The following UGT1A9 variants were observed in gnomAD, a reference collection of about 807,000 sequenced individuals.
UGT1A9 encodes the protein UDP-glucuronosyltransferase 1A9.
In UGT1A9, 35 loss-of-function variants were observed where a neutral mutation model predicts 45.0. That is an observed-to-expected ratio of 0.78 (90% CI 0.59 to 1.03). The LOEUF is 1.03. UGT1A9 is among the 50% of genes least tolerant of loss of function. The pLI is 0.00. For synonymous variants in UGT1A9, 278 were observed against 250.6 expected (o/e 1.11, Z -1.03); for missense variants, 687 against 666.6 (o/e 1.03, Z -0.34).
chr2:233,679,607 C>A (rs2074457324), intron 1 of UGT1A9, among the ~76,000 whole-genome samples: 1 of 152,044 alleles, frequency 6.6e-6, no homozygotes, highest in African/African-American at 2.4e-5. Flanking sequence ...TGTATTAAAA[C>A]CCTGTTCAGG....
At position 233,769,494 on chromosome 2, in the gene UGT1A9, A is replaced by C. The variant is rs761998450; in HGVS notation, c.1295+1055A>C. On this transcript the variant is annotated intron_variant, in intron 4 of 4. Coordinates refer to ENST00000354728, the MANE Select transcript of UGT1A9 (RefSeq NM_021027.3). The surrounding 1 kb of genome is among the most constrained non-coding windows in gnomAD (Gnocchi z 4.4). Reference sequence around the variant, plus strand: ...GTGTGTGTGTGCGTGTGTTTATGAGAGTGTCCATTGCTTTCTCCCATGGTT... The same window carrying C: ...GTGTGTGTGTGCGTGTGTTTATGAGCGTGTCCATTGCTTTCTCCCATGGTT... 1.9e-6 allele frequency: 3 copies of C among 1,612,660 alleles called. No individual in the cohort carries two copies. Among genetic ancestry groups the C allele is most frequent in the South Asian group, 2.2e-5 (2 of 91,046 alleles).
intron 1 of UGT1A9, among the ~76,000 whole-genome samples, chr2:233,683,219 A>G (rs2074623574): frequency 6.6e-6 from 1 of 152,196 alleles, no homozygotes. Context: ...TTTTATCAAT[A>G]TAAAATCTAC....
chr2:233,688,264 A>T (rs895656410), intron 1 of UGT1A9, among the ~76,000 whole-genome samples: 1 of 152,206 alleles, frequency 6.6e-6, no homozygotes, highest in African/African-American at 2.4e-5. Context: ...TACATGGCCG[A>T]ATATTCCATT....
intron 1 of UGT1A9, among the ~76,000 whole-genome samples, chr2:233,757,561 T>C (rs1218840720): frequency 8.3e-6 from 1 of 121,180 alleles, no homozygotes; most frequent in Non-Finnish European, 1.7e-5. Context: ...TATATATATA[T>C]GTATATATGA....
chr2:233,700,253 C>T (rs2125582223), intron 1 of UGT1A9, among the ~76,000 whole-genome samples: 1 of 152,296 alleles, frequency 6.6e-6, no homozygotes, highest in South Asian at 2.1e-4. Context: ...CCCAAAATGC[C>T]AAGTCATTCT....
rs563235726 is a variant in UGT1A9 at position 233,693,521 on chromosome 2, G to A, written c.855+20732G>A. The stretch of plus-strand genomic sequence containing the variant: ...CCTACCATCTGTGTACCTCTTCAGG[G>A]GTTTTCCGTGTTCCCTGGAGCATAC... On this transcript the variant is annotated intron_variant, in intron 1 of 4. Transcript: ENST00000354728. The A allele has an allele frequency of 6.2e-7, 1 of 1,614,156 alleles. No homozygotes were observed. The highest frequency in any genetic ancestry group is 1.3e-5 in the African/African-American group (1 of 75,016).
intron 1 of UGT1A9, chr2:233,693,062 C>T: frequency 6.2e-7 from 1 of 1,614,140 alleles, no homozygotes; most frequent in Non-Finnish European, 8.5e-7. Flanking sequence ...CTTCTTAGCA[C>T]TTTGGGGCAT....
Position 233,769,484 on chromosome 2 carries a change from T to C in UGT1A9, c.1295+1045T>C, listed in dbSNP as rs774504306. 6.2e-6 allele frequency: 10 copies of C among 1,612,518 alleles called. No homozygotes were observed. The South Asian group carries it at 9.9e-5, about 16-fold the overall frequency. Reference sequence around the variant, plus strand: ...ATATGCGTGTGTGTGTGTGTGCGTGTGTTTATGAGAGTGTCCATTGCTTTC... The same window carrying C: ...ATATGCGTGTGTGTGTGTGTGCGTGCGTTTATGAGAGTGTCCATTGCTTTC... On this transcript the variant is annotated intron_variant, in intron 4 of 4. Coordinates refer to ENST00000354728, the MANE Select transcript of UGT1A9 (RefSeq NM_021027.3). This position sits in a 1 kb window ranked among gnomAD's most constrained non-coding sequence, Gnocchi z 4.4.
chr2:233,756,970 G>T (rs550793027), intron 1 of UGT1A9, among the ~76,000 whole-genome samples: 8 of 152,064 alleles, frequency 5.3e-5, no homozygotes, highest in African/African-American at 1.7e-4. Context: ...TGGTAAGCAC[G>T]CAATGAACAG....
Position 233,671,949 on chromosome 2 carries a change from G to A in UGT1A9, c.15G>A (p.Gly5=), listed in dbSNP as rs781044929. 4 of 1,612,602 alleles carry A rather than the reference G, an allele frequency of 2.5e-6. No individual in the cohort carries two copies. The East Asian group carries it at 6.7e-5, about 27-fold the overall frequency. ...GCAGTTCTCTGATGGCTTGCACAGG[G>A]TGGACCAGCCCCCTTCCTCTATGTG... is the stretch of plus-strand genomic sequence containing the variant. The part of the protein sequence containing the change: MACT[G]WTSPLPLCVC... Residue 5 remains glycine (G), a synonymous_variant, in exon 1 of 5, where the codon GGG becomes GGA. Coordinates refer to ENST00000354728, the MANE Select transcript of UGT1A9 (RefSeq NM_021027.3).
intron 1 of UGT1A9, among the ~76,000 whole-genome samples, chr2:233,720,662 A>C (rs1219238244): frequency 2.6e-5 from 4 of 151,614 alleles, no homozygotes; most frequent in East Asian, 3.9e-4. Flanking sequence ...CCAAATTCAC[A>C]CACCAATGAA....
intron 1 of UGT1A9, among the ~76,000 whole-genome samples, chr2:233,684,328 G>A (rs1575432650): frequency 6.6e-6 from 1 of 152,142 alleles, no homozygotes. Flanking sequence ...GTTGTAGGAC[G>A]CTAAGAGGAT....
chr2:233,732,934 A>G (rs1157775359), intron 1 of UGT1A9, among the ~76,000 whole-genome samples: 1 of 152,018 alleles, frequency 6.6e-6, no homozygotes, highest in Non-Finnish European at 1.5e-5. Context: ...GATTCTTCCT[A>G]TCCATGAGCA....
chr2:233,694,000 G>C, intron 1 of UGT1A9: 3 of 1,484,472 alleles, frequency 2.0e-6, no homozygotes, highest in Non-Finnish European at 2.7e-6. Context: ...TACCCGGCTC[G>C]GAGCAGCGGG....
intron 1 of UGT1A9, chr2:233,743,739 T>C (rs377618743): frequency 7.3e-7 from 1 of 1,367,366 alleles, no homozygotes; most frequent in African/African-American, 1.5e-5. Flanking sequence ...TCGCGTTTCT[T>C]GGCGTCCGAC....
intron 1 of UGT1A9, among the ~76,000 whole-genome samples, chr2:233,694,572 A>G (rs1254227548): frequency 6.6e-6 from 1 of 152,230 alleles, no homozygotes; most frequent in Non-Finnish European, 1.5e-5. Flanking sequence ...TTAAATTTCA[A>G]TGTAAATATT....
At chr2:233,761,879 T>C (rs1697890681) in intron 1 of UGT1A9, among the ~76,000 whole-genome samples, 1 of 152,212 alleles carries the variant, frequency 6.6e-6, no homozygotes, top group Admixed American at 6.5e-5. Flanking sequence ...AGAGCGTTCA[T>C]TCACTTATCC....
intron 1 of UGT1A9, chr2:233,760,313 G>A (rs761736540): frequency 1.9e-6 from 3 of 1,613,818 alleles, no homozygotes; most frequent in Non-Finnish European, 2.5e-6. Flanking sequence ...CAGGGCGGAC[G>A]CCCACTTGTC....
At chr2:233,754,961 G>A (rs760905245) in intron 1 of UGT1A9, 13 of 1,310,256 alleles carry the variant, frequency 9.9e-6, no homozygotes, top group Admixed American at 9.5e-5. Flanking sequence ...GGCCGCCAAA[G>A]AACTCCCTGA....
Sources: gnomAD v4.1 joint callset for allele counts (sites outside exome capture counted in the v4.1 genomes callset) on GRCh38, gnomAD v4.1.1 for gene constraint, Gnocchi (gnomAD v3.1) non-coding constraint, MANE v1.5 for transcripts, NCBI Gene and HGNC (gene_info 2026-07-23, HGNC 2026-07-21) for gene names.